FMNL2: variants seen among roughly 807,000 people sequenced by gnomAD.
FMNL2 encodes the protein formin-like protein 2.
Under a neutral mutation model 130.2 loss-of-function variants are expected in FMNL2, and 51 were observed. That is an observed-to-expected ratio of 0.39 (90% CI 0.31 to 0.49). The LOEUF is 0.49. FMNL2 is among the 20% of genes least tolerant of loss of function. The pLI, the probability that FMNL2 is intolerant of heterozygous loss-of-function variation, is 0.85. For missense variants in FMNL2, 977 were observed against 1,316.2 expected (o/e 0.74, Z 3.99); for synonymous variants, 465 against 467.1 (o/e 1.00, Z 0.06).
intron 1 of FMNL2, among the ~76,000 whole-genome samples, chr2:152,349,393 G>A (rs1436946503): frequency 1.3e-5 from 2 of 152,214 alleles, no homozygotes; most frequent in Non-Finnish European, 2.9e-5. Flanking sequence ...AATGGGCTGA[G>A]GGTGTTAACG....
chr2:152,621,359 C>T (rs1443720783), intron 15 of FMNL2, among the ~76,000 whole-genome samples: 2 of 152,208 alleles, frequency 1.3e-5, no homozygotes, highest in Non-Finnish European at 2.9e-5. Context: ...TTCCAAGGGG[C>T]CATGTCCTGT....
At chr2:152,340,435 G>A (rs779518672) in intron 1 of FMNL2, among the ~76,000 whole-genome samples, 23 of 152,172 alleles carry the variant, frequency 1.5e-4, no homozygotes, top group Non-Finnish European at 2.8e-4. Context: ...GAAGTGAGGT[G>A]CATTTGAAGT....
rs554183500 is a variant in FMNL2 at position 152,414,991 on chromosome 2, T to C, written c.117+79271T>C. ...TGAGATATATGTGTGGGAAGGTCCCTGAGTTCCTCTTGGACTTATCAAAAT... is the reference window on the plus strand; with the variant it reads ...TGAGATATATGTGTGGGAAGGTCCCCGAGTTCCTCTTGGACTTATCAAAAT... On this transcript the variant is annotated intron_variant, in intron 1 of 25. Transcript: ENST00000288670. Among the ~76,000 whole-genome samples, 3 of 152,302 alleles carry C rather than the reference T, an allele frequency of 2.0e-5. 1 individual carries two copies. The highest frequency in any genetic ancestry group is 2.0e-4 in the Admixed American group (3 of 15,292).
At chr2:152,337,153 G>T (rs1447516249) in intron 1 of FMNL2, among the ~76,000 whole-genome samples, 4 of 152,130 alleles carry the variant, frequency 2.6e-5, no homozygotes, top group Non-Finnish European at 5.9e-5. Context: ...GTGTTGCTTT[G>T]CATCTCCTGT....
At chr2:152,629,625 T>C (rs770150025) in intron 18 of FMNL2, 31 bp from the exon 19 acceptor site, 9 of 1,559,574 alleles carry the variant, frequency 5.8e-6, no homozygotes, top group South Asian at 2.4e-5. Flanking sequence ...ATGTCTTTTT[T>C]CCCCTTTTTC....
At chr2:152,489,228 AAAGT>A (rs1315998247) in intron 1 of FMNL2, among the ~76,000 whole-genome samples, 1 of 150,924 alleles carries the variant, frequency 6.6e-6, no homozygotes, top group African/African-American at 2.5e-5. Context: ...AAACAAGAAC[AAAGT>A]AATTCCTAGC....
chr2:152,639,902 C>G, intron 23 of FMNL2, 56 bp from the exon 24 acceptor site: 2 of 1,453,528 alleles, frequency 1.4e-6, no homozygotes, highest in South Asian at 1.4e-5. Flanking sequence ...TTTAAAAAAT[C>G]TTGGCTGCTC....
rs537399371 is a variant in FMNL2 at position 152,599,207 on chromosome 2, G to A, written c.877-8132G>A. Among the ~76,000 whole-genome samples the A allele has an allele frequency of 8.5e-5, 13 of 152,254 alleles. No homozygotes were observed. In the East Asian group the frequency reaches 1.7e-3, roughly 20 times the overall value. On this transcript the variant is annotated intron_variant, in intron 9 of 25. Coordinates refer to ENST00000288670, the MANE Select transcript of FMNL2 (RefSeq NM_052905.4). ...ACCAGCTCTTGGACATCACTTCACC[G>A]TCTCAAGTTGACGCATAAAGTTAAC... is the stretch of plus-strand genomic sequence containing the variant.
At chr2:152,479,877 A>G (rs1021578899) in intron 1 of FMNL2, among the ~76,000 whole-genome samples, 1 of 151,464 alleles carries the variant, frequency 6.6e-6, no homozygotes, top group African/African-American at 2.4e-5. Context: ...CACCTGGTTA[A>G]TTTTTTGTCT....
chr2:152,583,179 G>A lies in FMNL2; in HGVS notation c.876+2130G>A, dbSNP rs116741358. 8.7e-3 allele frequency among the ~76,000 whole-genome samples: 1,327 copies of A among 152,246 alleles called. 21 individuals carry two copies. Among genetic ancestry groups the A allele is most frequent in the African/African-American group, 0.03 (1,250 of 41,528 alleles). ...TGAGAACTAAATTACTTTTGACATT[G>A]AATTCTTAGAGCTTTAACCAAAACT... On this transcript the variant is annotated intron_variant, in intron 9 of 25. Transcript: ENST00000288670.
chr2:152,446,432 T>C (rs1558869986), intron 1 of FMNL2, among the ~76,000 whole-genome samples: 1 of 152,164 alleles, frequency 6.6e-6, no homozygotes, highest in African/African-American at 2.4e-5. Context: ...TGAAACCAGA[T>C]TGCAAAATGT....
At chr2:152,608,740 T>C (rs1441951398) in intron 10 of FMNL2, among the ~76,000 whole-genome samples, 1 of 152,138 alleles carries the variant, frequency 6.6e-6, no homozygotes, top group Non-Finnish European at 1.5e-5. Flanking sequence ...AGTTTCTTTC[T>C]TGTGCCTTTT....
chr2:152,641,019 C>T, intron 25 of FMNL2, 105 bp downstream of exon 25: 1 of 1,446,498 alleles, frequency 6.9e-7, no homozygotes. Flanking sequence ...TTGTCAAGTT[C>T]ATTAGTTGAC....
chr2:152,600,956 C>T (rs990302990), intron 9 of FMNL2, among the ~76,000 whole-genome samples: 2 of 152,140 alleles, frequency 1.3e-5, no homozygotes, highest in African/African-American at 4.8e-5. Context: ...TTCTGTGGAG[C>T]TTCCATGCCA....
intron 1 of FMNL2, among the ~76,000 whole-genome samples, chr2:152,358,351 G>A (rs1022231669): frequency 6.6e-6 from 1 of 152,028 alleles, no homozygotes; most frequent in East Asian, 1.9e-4. Context: ...GATCCTGTGA[G>A]TCAATTCTGC....
Position 152,619,843 on chromosome 2 carries a change from A to C in FMNL2, c.1837+125A>C, listed in dbSNP as rs1314746907. The C allele has an allele frequency of 2.7e-6, 4 of 1,475,680 alleles. No homozygotes were observed. The African/African-American group carries it at 5.6e-5, about 21-fold the overall frequency. The allele number at this position is 1,475,680 out of a possible 1,614,324, so 91.4% of individuals were successfully genotyped here. A position where few individuals can be genotyped will look rare whatever the true frequency, so the allele number is the denominator to read the frequency against. ...ATGTGTATCTCTTCCTAGTATAAGAAATTCCTGCTGATGTAGCCGATAGAG... is the reference window on the plus strand; with the variant it reads ...ATGTGTATCTCTTCCTAGTATAAGACATTCCTGCTGATGTAGCCGATAGAG... On this transcript the variant is annotated intron_variant, in intron 15 of 25. Transcript: ENST00000288670.
intron 1 of FMNL2, among the ~76,000 whole-genome samples, chr2:152,437,273 T>C (rs1687818507): frequency 6.6e-6 from 1 of 152,152 alleles, no homozygotes; most frequent in African/African-American, 2.4e-5. Flanking sequence ...ATGATATGGA[T>C]ACTGTGGAGC....
At chr2:152,362,890 C>T (rs4368285) in intron 1 of FMNL2, among the ~76,000 whole-genome samples, 102,032 of 151,610 alleles carry the variant, frequency 0.67, 36,169 homozygotes, top group Admixed American at 0.81. Context: ...TGCTACAACA[C>T]GGTGAATCTA....
chr2:152,647,511 T>C (rs1683692018), intron 25 of FMNL2, among the ~76,000 whole-genome samples: 2 of 152,204 alleles, frequency 1.3e-5, no homozygotes, highest in African/African-American at 4.8e-5. Flanking sequence ...TAAGAAACAT[T>C]TCAAAATAAG....
Sources: gnomAD v4.1 joint callset for allele counts (sites outside exome capture counted in the v4.1 genomes callset) on GRCh38, gnomAD v4.1.1 for gene constraint, MANE v1.5 for transcripts, NCBI Gene and HGNC (gene_info 2026-07-23, HGNC 2026-07-21) for gene names.